MICAL2: variants seen among roughly 807,000 people sequenced by gnomAD.
The protein encoded by MICAL2 is microtubule associated monooxygenase, calponin and LIM domain containing 2, also known as [F-actin]-monooxygenase MICAL2.
A neutral mutation model predicts 127.3 loss-of-function variants in MICAL2; 77 were observed. The observed-to-expected ratio is 0.60, with a 90% CI of 0.50 to 0.73. MICAL2 has a LOEUF of 0.73. Among genes scored for constraint, MICAL2 ranks in the 30% least tolerant of loss-of-function variants. The pLI is 0.00. For missense variants in MICAL2, 1,351 were observed against 1,434.4 expected (o/e 0.94, Z 0.94); for synonymous variants, 570 against 551.1 (o/e 1.03, Z -0.48).
At position 12,177,333 on chromosome 11, in the gene MICAL2, C is replaced by T. The variant is rs547493364; in HGVS notation, c.264+14914C>T. Among the ~76,000 whole-genome samples, 59 of 152,204 alleles carry T rather than the reference C, an allele frequency of 3.9e-4. No individual in the cohort carries two copies. The Middle Eastern group carries it at 0.01, about 26-fold the overall frequency. On this transcript the variant is annotated intron_variant, in intron 3 of 27. Coordinates refer to ENST00000683283, the MANE Select transcript of MICAL2 (RefSeq NM_001282663.2). ...TTTATTCCAGTCCTTTGCCCATTTT[C>T]GAATCAGGTTTTTTGTTTTGTTTTT... is the stretch of plus-strand genomic sequence containing the variant.
At chr11:12,356,186 C>T (rs979078890) in intron 34 of MICAL2, among the ~76,000 whole-genome samples, 2 of 152,088 alleles carry the variant, frequency 1.3e-5, no homozygotes, top group Non-Finnish European at 2.9e-5. Context: ...TTTTCTCAAC[C>T]CTGTCAGATG....
At chr11:12,145,825 G>A (rs1019482335) in intron 2 of MICAL2, among the ~76,000 whole-genome samples, 4 of 152,156 alleles carry the variant, frequency 2.6e-5, no homozygotes, top group South Asian at 2.1e-4. Context: ...TTGGGTGGAC[G>A]GCCCAATGAA....
intron 2 of MICAL2, among the ~76,000 whole-genome samples, chr11:12,149,177 G>A (rs1003196182): frequency 6.6e-6 from 1 of 152,196 alleles, no homozygotes; most frequent in African/African-American, 2.4e-5. Context: ...AGGCATGTGG[G>A]TGGAAGTGTG....
chr11:12,272,655 A>G (rs1039117635), upstream of MICAL2, among the ~76,000 whole-genome samples: 1 of 152,210 alleles, frequency 6.6e-6, no homozygotes, highest in Non-Finnish European at 1.5e-5. Flanking sequence ...TTTCTTGCTC[A>G]GGAGTCTGTG....
intron 30 of MICAL2, chr11:12,323,860 GA>G (rs1486896221): frequency 2.6e-6 from 3 of 1,136,568 alleles, no homozygotes; most frequent in Non-Finnish European, 3.6e-6. Flanking sequence ...CGTTATTTTA[GA>G]AGGTAAGCAG....
intron 32 of MICAL2, among the ~76,000 whole-genome samples, chr11:12,343,892 GA>G (rs1210494599): frequency 6.6e-6 from 1 of 152,138 alleles, no homozygotes; most frequent in East Asian, 1.9e-4. Flanking sequence ...TAGATACGTG[GA>G]AAAAATGAGA....
chr11:12,306,811 TA>T (rs965405105), intron 29 of MICAL2, among the ~76,000 whole-genome samples: 108 of 152,334 alleles, frequency 7.1e-4, no homozygotes, highest in African/African-American at 2.5e-3. Flanking sequence ...TTTTTATTGC[TA>T]GTAGAATTTC....
intron 20 of MICAL2, 134 bp from the exon 21 acceptor site, chr11:12,243,853 G>A (rs982013833): frequency 1.1e-5 from 11 of 1,044,410 alleles, no homozygotes; most frequent in Admixed American, 8.0e-5. Context: ...AGGGGTTTCT[G>A]TGTTGTCCTG....
At chr11:12,284,629 A>G (rs1241401861) in intron 2 of MICAL2, among the ~76,000 whole-genome samples, 1 of 152,092 alleles carries the variant, frequency 6.6e-6, no homozygotes, top group Non-Finnish European at 1.5e-5. Context: ...TTTTTTTTAG[A>G]AATGTCTTCA....
chr11:12,201,397 G>A (rs1000711521), intron 3 of MICAL2, among the ~76,000 whole-genome samples: 2 of 151,628 alleles, frequency 1.3e-5, no homozygotes, highest in Non-Finnish European at 1.5e-5. Flanking sequence ...AGAGGAAGGG[G>A]AATGTGTTTT....
At chr11:12,126,704 G>GT (rs1249448442) in intron 1 of MICAL2, among the ~76,000 whole-genome samples, 12 of 50,738 alleles carry the variant, frequency 2.4e-4, no homozygotes, top group African/African-American at 9.8e-4. Flanking sequence ...GCTTATGTGT[G>GT]TAAAAAAAAA....
chr11:12,183,343 G>A (rs2133963861), intron 3 of MICAL2, among the ~76,000 whole-genome samples: 1 of 152,126 alleles, frequency 6.6e-6, no homozygotes, highest in East Asian at 1.9e-4. Context: ...GTGCCCAGCT[G>A]ACCGCTGCAT....
intron 30 of MICAL2, among the ~76,000 whole-genome samples, chr11:12,321,326 G>A (rs1864292312): frequency 6.6e-6 from 1 of 152,138 alleles, no homozygotes; most frequent in Admixed American, 6.6e-5. Context: ...TTCGTCCTCT[G>A]GTTTCTTTGT....
intron 15 of MICAL2, among the ~76,000 whole-genome samples, chr11:12,233,083 T>C (rs1462789255): frequency 6.6e-6 from 1 of 152,232 alleles, no homozygotes; most frequent in African/African-American, 2.4e-5. Flanking sequence ...GCAGTATCCA[T>C]GGTTTCTGGA....
intron 15 of MICAL2, among the ~76,000 whole-genome samples, chr11:12,227,393 TAC>T (rs1213185490): frequency 6.6e-6 from 1 of 152,218 alleles, no homozygotes; most frequent in Non-Finnish European, 1.5e-5. Flanking sequence ...TGAATGCTTT[TAC>T]AAGTAAATCA....
chr11:12,165,821 T>C (rs1160963949), intron 3 of MICAL2, among the ~76,000 whole-genome samples: 1 of 152,272 alleles, frequency 6.6e-6, no homozygotes, highest in Non-Finnish European at 1.5e-5. Flanking sequence ...CAGAGTGGCC[T>C]GAGAGCTCTC....
At chr11:12,262,386 C>T in intron 26 of MICAL2, 94 bp from the exon 27 acceptor site, 1 of 1,588,374 alleles carries the variant, frequency 6.3e-7, no homozygotes, top group Non-Finnish European at 8.5e-7. Flanking sequence ...AACTCCGGTG[C>T]CTTCTCGTGA....
At chr11:12,303,518 C>T (rs1400507405) in intron 29 of MICAL2, 2 of 152,158 alleles carry the variant, frequency 1.3e-5, no homozygotes, top group Admixed American at 1.3e-4. Flanking sequence ...ATCATCTGAA[C>T]AGAGACATAC....
chr11:12,342,179 C>T (rs1403537569), intron 32 of MICAL2, among the ~76,000 whole-genome samples: 1 of 152,226 alleles, frequency 6.6e-6, no homozygotes, highest in Non-Finnish European at 1.5e-5. Context: ...TATTCACAGG[C>T]AGAGGCTGCT....
Sources: gnomAD v4.1 joint callset for allele counts (sites outside exome capture counted in the v4.1 genomes callset) on GRCh38, gnomAD v4.1.1 for gene constraint, MANE v1.5 for transcripts, NCBI Gene and HGNC (gene_info 2026-07-23, HGNC 2026-07-21) for gene names.